Variants in EFCAB5 observed in about 807,000 individuals in gnomAD.
EFCAB5 encodes EF-hand calcium binding domain 5, also known as EF-hand calcium-binding domain-containing protein 5.
A neutral mutation model predicts 167.9 loss-of-function variants in EFCAB5; 131 were observed. The observed-to-expected ratio is 0.78, with a 90% CI of 0.68 to 0.90. The LOEUF is 0.90. Among genes scored for constraint, EFCAB5 ranks in the 40% least tolerant of loss-of-function variants. EFCAB5 has a pLI of 0.00. For missense variants in EFCAB5, 1,663 were observed against 1,745.2 expected (o/e 0.95, Z 0.84); for synonymous variants, 574 against 602.8 (o/e 0.95, Z 0.70).
At chr17:30,010,213 A>G (rs993003415) in intron 7 of EFCAB5, among the ~76,000 whole-genome samples, 3 of 152,112 alleles carry the variant, frequency 2.0e-5, no homozygotes, top group Admixed American at 6.6e-5. Context: ...TCATTGATGG[A>G]TATTTGGGTT....
At chr17:29,997,675 T>C (rs2068575911) in intron 6 of EFCAB5, among the ~76,000 whole-genome samples, 1 of 152,142 alleles carries the variant, frequency 6.6e-6, no homozygotes, top group Non-Finnish European at 1.5e-5. Context: ...ATATGTAAAA[T>C]AGAGTTGGGT....
intron 4 of EFCAB5, among the ~76,000 whole-genome samples, chr17:29,984,701 A>G (rs1248974499): frequency 6.6e-6 from 1 of 152,154 alleles, no homozygotes; most frequent in Non-Finnish European, 1.5e-5. Context: ...CTGGGCAACA[A>G]GAGCGAAACT....
intron 1 of EFCAB5, among the ~76,000 whole-genome samples, chr17:29,935,526 T>A (rs1197970645): frequency 6.6e-6 from 1 of 152,030 alleles, no homozygotes; most frequent in Admixed American, 6.6e-5. Context: ...GCCATTATAC[T>A]CCAGCCTGGG....
intron 7 of EFCAB5, among the ~76,000 whole-genome samples, chr17:30,033,804 T>C (rs1008772007): frequency 1.3e-5 from 2 of 152,236 alleles, no homozygotes; most frequent in Admixed American, 6.5e-5. Context: ...CCTTGTCGCT[T>C]ACACTCCAGT....
chr17:30,055,200 G>A (rs2070219290), intron 10 of EFCAB5, among the ~76,000 whole-genome samples: 1 of 152,278 alleles, frequency 6.6e-6, no homozygotes, highest in African/African-American at 2.4e-5. Flanking sequence ...GCTGAGGTGG[G>A]AGGATCACCT....
At chr17:29,946,261 C>A (rs2067394440) in intron 3 of EFCAB5, among the ~76,000 whole-genome samples, 1 of 151,892 alleles carries the variant, frequency 6.6e-6, no homozygotes, top group Non-Finnish European at 1.5e-5. Context: ...CAGGAAAATG[C>A]AAATTAAAAC....
chr17:29,994,348 A>G (rs2068500135), intron 5 of EFCAB5, among the ~76,000 whole-genome samples: 1 of 151,660 alleles, frequency 6.6e-6, no homozygotes, highest in Non-Finnish European at 1.5e-5. Context: ...GAAAGTATAG[A>G]GGATTCTTTG....
chr17:30,096,338 T>C (rs1222197774), intron 22 of EFCAB5, among the ~76,000 whole-genome samples: 5 of 152,198 alleles, frequency 3.3e-5, no homozygotes, highest in Non-Finnish European at 7.3e-5. Context: ...CATGTATAGA[T>C]AACATTACTG....
chr17:30,080,737 T>C lies in EFCAB5; in HGVS notation c.3198-16T>C. The C allele has an allele frequency of 6.4e-7, 1 of 1,559,272 alleles. No homozygotes were observed. Among genetic ancestry groups the C allele is most frequent in the Non-Finnish European group, 8.7e-7 (1 of 1,143,902 alleles). On this transcript the variant is annotated splice_polypyrimidine_tract_variant and intron_variant, in intron 16 of 22. Coordinates refer to ENST00000394835, the MANE Select transcript of EFCAB5 (RefSeq NM_198529.4). ...TCCCTGTGCCTTTCTTCCATCCTCA[T>C]ACTCTTTTTCCTCAGCTTTACAGTA...
In EFCAB5 at chr17:30,054,020, C is replaced by T; in HGVS notation, c.2066C>T (p.Thr689Ile). 6.2e-7 allele frequency: 1 copy of T among 1,608,610 alleles called. No homozygotes were observed. Among genetic ancestry groups the T allele is most frequent in the Non-Finnish European group, 8.5e-7 (1 of 1,176,896 alleles). Reference sequence around the variant, plus strand: ...AGTACAAAATATGGGGAACCTATAACCTCTGAGTACATTGAAGTCCCTCTA... The same window carrying T: ...AGTACAAAATATGGGGAACCTATAATCTCTGAGTACATTGAAGTCCCTCTA... ...LKSTKYGEPI[T>I]SEYIEVPLQE... The change falls in exon 10 of 23, where the codon ACC becomes ATC. Residue 689 changes from threonine to isoleucine, a missense_variant. Thr to Ile is a moderately conservative substitution (Grantham distance 89, BLOSUM62 -1). Transcript: ENST00000394835.
intron 7 of EFCAB5, among the ~76,000 whole-genome samples, chr17:30,013,349 A>G (rs922511806): frequency 3.9e-5 from 6 of 152,004 alleles, no homozygotes; most frequent in South Asian, 2.1e-4. Flanking sequence ...CTCTTTTTCT[A>G]TTGATTGGAA....
At chr17:30,041,661 A>G (rs560595098) in intron 8 of EFCAB5, among the ~76,000 whole-genome samples, 1 of 152,364 alleles carries the variant, frequency 6.6e-6, no homozygotes, top group African/African-American at 2.4e-5. Flanking sequence ...CTGTAGATAA[A>G]ATGCTATCAA....
chr17:30,019,323 G>C (rs2069118758), intron 7 of EFCAB5, among the ~76,000 whole-genome samples: 2 of 151,606 alleles, frequency 1.3e-5, no homozygotes, highest in African/African-American at 4.8e-5. Flanking sequence ...AATTGATTTT[G>C]AGTATTATCA....
intron 8 of EFCAB5, 129 bp downstream of exon 8, chr17:30,034,514 C>T (rs763243071): frequency 1.3e-5 from 13 of 1,037,384 alleles, no homozygotes; most frequent in Non-Finnish European, 1.8e-5. Flanking sequence ...GCCTGGACAA[C>T]ATGGTGAAAC....
At chr17:30,062,420 A>G (rs2070449529) in intron 14 of EFCAB5, among the ~76,000 whole-genome samples, 1 of 152,158 alleles carries the variant, frequency 6.6e-6, no homozygotes, top group Non-Finnish European at 1.5e-5. Flanking sequence ...AGTAAGCAAG[A>G]GGATCCCAGC....
upstream of EFCAB5, among the ~76,000 whole-genome samples, chr17:29,940,619 A>T (rs1467196832): frequency 6.6e-6 from 1 of 152,132 alleles, no homozygotes; most frequent in African/African-American, 2.4e-5. Flanking sequence ...TTTATTTTCT[A>T]TTATTTATTA....
chr17:30,107,584 A>G (rs1197335516), intron 22 of EFCAB5, among the ~76,000 whole-genome samples: 1 of 152,168 alleles, frequency 6.6e-6, no homozygotes, highest in Non-Finnish European at 1.5e-5. Context: ...TACTTTTTGT[A>G]TTGAATATTT....
chr17:30,083,541 G>C (rs2071031065), intron 18 of EFCAB5, among the ~76,000 whole-genome samples: 1 of 152,174 alleles, frequency 6.6e-6, no homozygotes, highest in Non-Finnish European at 1.5e-5. Context: ...CTCAACCTCC[G>C]CCACCCGGGC....
chr17:30,033,290 G>A (rs1387810793), intron 7 of EFCAB5, among the ~76,000 whole-genome samples: 1 of 152,118 alleles, frequency 6.6e-6, no homozygotes, highest in African/African-American at 2.4e-5. Context: ...GTGTTAGCCA[G>A]GATGGTCTCG....
Sources: allele counts gnomAD v4.1 joint callset (sites outside exome capture counted in the v4.1 genomes callset), GRCh38; gene constraint gnomAD v4.1.1; transcripts MANE v1.5; gene names NCBI Gene and HGNC (gene_info 2026-07-23, HGNC 2026-07-21).